Variants in ZNF638 observed in about 807,000 individuals in gnomAD.
ZNF638 encodes the protein CTCL tumor antigen se33-1.
ZNF638 carries 46 observed loss-of-function variants against 195.6 expected under a neutral mutation model. That is an observed-to-expected ratio of 0.24 (90% CI 0.19 to 0.30). The LOEUF is 0.30. Among genes scored for constraint, ZNF638 ranks in the 10% least tolerant of loss-of-function variants. The pLI, the probability that ZNF638 is intolerant of heterozygous loss-of-function variation, is 1.00. For missense variants in ZNF638, 2,440 were observed against 2,325.3 expected, an observed-to-expected ratio of 1.05 and a Z score of -1.01; for synonymous variants, 845 against 772.0, an observed-to-expected ratio of 1.09 and a Z score of -1.57.
chr2:71,336,161 C>A (rs185570899), intron 1 of ZNF638, among the ~76,000 whole-genome samples: 1 of 152,036 alleles, frequency 6.6e-6, no homozygotes, highest in Admixed American at 6.5e-5. Flanking sequence ...CATCTGAGGT[C>A]GGGAGCTTAA....
At chr2:71,351,490 G>T (rs754669068) in intron 2 of ZNF638, among the ~76,000 whole-genome samples, 1 of 152,176 alleles carries the variant, frequency 6.6e-6, no homozygotes, top group Non-Finnish European at 1.5e-5. Context: ...TCTGTAAGTA[G>T]CCCTGGCCTA....
chr2:71,333,073 A>G (rs2078601778), intron 1 of ZNF638: 1 of 152,246 alleles, frequency 6.6e-6, no homozygotes, highest in African/African-American at 2.4e-5. Flanking sequence ...ATTGACCAAA[A>G]AAAGGTGAAT....
At chr2:71,382,525 G>A (rs548880704) in intron 10 of ZNF638, among the ~76,000 whole-genome samples, 1 of 152,248 alleles carries the variant, frequency 6.6e-6, no homozygotes, top group East Asian at 1.9e-4. Context: ...CAGGGAGGAA[G>A]CAAGAGTGTA....
At chr2:71,407,980 C>A in intron 19 of ZNF638, 142 bp from the exon 20 acceptor site, 1 of 684,104 alleles carries the variant, frequency 1.5e-6, no homozygotes, top group Non-Finnish European at 2.3e-6. Flanking sequence ...CTTCTGTGAA[C>A]ATGGGTGTAC....
rs746908881 is a variant in ZNF638 at position 71,350,005 on chromosome 2, A to T, written c.1051A>T (p.Ile351Phe). ...LISSVSQQER[I>F]PHEPVINSSN... ...TTCATCTGTAAGCCAGCAAGAGCGG[A>T]TCCCACATGAACCTGTGATTAATTC... The change falls in exon 2 of 28, where the codon ATC (isoleucine) becomes TTC (phenylalanine). Residue 351 changes from isoleucine to phenylalanine, a missense_variant. By Grantham distance (21) the Ile-to-Phe change is conservative. This residue lies in a region of ZNF638 where 305 missense variants were observed against 283.6 expected (regional missense o/e 1.08). Coordinates refer to ENST00000264447, the MANE Select transcript of ZNF638 (RefSeq NM_014497.5). The T allele has an allele frequency of 1.3e-5, 21 of 1,614,224 alleles. No homozygotes were observed. Among genetic ancestry groups the T allele is most frequent in the Non-Finnish European group, 1.8e-5 (21 of 1,180,046 alleles).
intron 26 of ZNF638, among the ~76,000 whole-genome samples, chr2:71,431,992 G>A (rs1215353166): frequency 6.6e-6 from 1 of 152,124 alleles, no homozygotes; most frequent in African/African-American, 2.4e-5. Context: ...TGCCACTCTG[G>A]TGAGAATTGA....
chr2:71,347,888 T>G (rs1437201012), intron 1 of ZNF638, among the ~76,000 whole-genome samples: 1 of 152,230 alleles, frequency 6.6e-6, no homozygotes, highest in African/African-American at 2.4e-5. Context: ...CAGTCACTTT[T>G]CTTTGTAAGT....
At chr2:71,409,964 A>G (rs1206911361) in intron 20 of ZNF638, among the ~76,000 whole-genome samples, 3 of 152,124 alleles carry the variant, frequency 2.0e-5, no homozygotes, top group African/African-American at 7.2e-5. Context: ...ATTTTCTGAA[A>G]TTCTGCATGT....
rs1288923117 is a variant in ZNF638 at position 71,364,205 on chromosome 2, G to A, written c.1670G>A (p.Arg557Gln). The A allele has an allele frequency of 1.9e-6, 3 of 1,614,174 alleles. No homozygotes were observed. Among genetic ancestry groups the A allele is most frequent in the Admixed American group, 1.7e-5 (1 of 60,024 alleles). Residue 557 changes from arginine to glutamine, a missense_variant, in exon 5 of 28, where the codon CGA becomes CAA. Arg to Gln is a conservative substitution (Grantham distance 43). Around this residue, in one of 5 missense-constraint regions of ZNF638, gnomAD observed 1,883 missense variants for 1,739.1 expected, o/e 1.08. Coordinates refer to ENST00000264447, the MANE Select transcript of ZNF638 (RefSeq NM_014497.5). ...NPFRGSPKCF[R>Q]SVSPERMSRR... is the part of the protein sequence containing the mutation. ...TTTAGAGGTAGTCCAAAATGCTTTC[G>A]ATCAGTTAGCCCTGAGAGGATGTCA...
intron 10 of ZNF638, 135 bp downstream of exon 10, chr2:71,380,700 GTA>G (rs1020504336): frequency 1.7e-6 from 1 of 579,842 alleles, no homozygotes; most frequent in African/African-American, 1.9e-5. Flanking sequence ...ATTGGCCCCT[GTA>G]TTAAGCAGGC....
In ZNF638 at chr2:71,404,005, C is replaced by T; in HGVS notation, c.2958+7C>T. The T allele has an allele frequency of 6.2e-7, 1 of 1,600,196 alleles. No homozygotes were observed. The highest frequency in any genetic ancestry group is 8.5e-7 in the Non-Finnish European group (1 of 1,175,254). On this transcript the variant is annotated splice_region_variant and intron_variant, in intron 17 of 27. Transcript: ENST00000264447. ...CATGAATATAAAAGATGAGGTAAAT[C>T]AGACCACCATTTTTACTAGCTCTTA...
chr2:71,363,469 ATAT>A (rs2079142836), intron 4 of ZNF638, among the ~76,000 whole-genome samples: 1 of 152,096 alleles, frequency 6.6e-6, no homozygotes, highest in East Asian at 1.9e-4. Context: ...GCTAGGAGTG[ATAT>A]TATTAAGTTC....
chr2:71,386,937 T>C (rs1458015558), intron 10 of ZNF638, among the ~76,000 whole-genome samples: 1 of 152,022 alleles, frequency 6.6e-6, no homozygotes, highest in Non-Finnish European at 1.5e-5. Flanking sequence ...AGTCTCCACC[T>C]CCCAGGTTCA....
intron 10 of ZNF638, among the ~76,000 whole-genome samples, chr2:71,391,708 C>T (rs1266472966): frequency 6.6e-6 from 1 of 152,144 alleles, no homozygotes; most frequent in Non-Finnish European, 1.5e-5. Flanking sequence ...TCAAAAATTA[C>T]TGGGTGATAT....
At position 71,424,428 on chromosome 2, in the gene ZNF638, C is replaced by T. The variant is rs985166524; in HGVS notation, c.4525-222C>T. 4.4e-4 allele frequency among the ~76,000 whole-genome samples: 67 copies of T among 151,946 alleles called. 3 individuals are homozygous for T. The highest frequency in any genetic ancestry group is 7.2e-4 in the Admixed American group (11 of 15,256). On this transcript the variant is annotated intron_variant, in intron 22 of 27. Coordinates refer to ENST00000264447, the MANE Select transcript of ZNF638 (RefSeq NM_014497.5). ...GATTGCCTAACTAGACATTGTGGGACGAAAAGATCAGTAAAACTGAATTTA... is the reference window on the plus strand; with the variant it reads ...GATTGCCTAACTAGACATTGTGGGATGAAAAGATCAGTAAAACTGAATTTA...
At chr2:71,414,059 G>T (rs2080269162) in intron 20 of ZNF638, among the ~76,000 whole-genome samples, 1 of 142,562 alleles carries the variant, frequency 7.0e-6, no homozygotes, top group Non-Finnish European at 1.5e-5. Context: ...AATGGTACCA[G>T]TTCCTCCTTG....
At chr2:71,398,277 A>G (rs1422610109) in intron 11 of ZNF638, among the ~76,000 whole-genome samples, 1 of 152,142 alleles carries the variant, frequency 6.6e-6, no homozygotes, top group Admixed American at 6.5e-5. Flanking sequence ...AAATTCATTT[A>G]TGTTTCATAT....
At position 71,339,505 on chromosome 2, in the gene ZNF638, A is replaced by G. The variant is rs1426806940; in HGVS notation, c.-203+7630A>G. On this transcript the variant is annotated intron_variant, in intron 1 of 27. Transcript: ENST00000264447. ...GAACCCACTTTAGGTAAATGGAAAC[A>G]TTTTTTGGCCATGTTACTCCATGAA... is the stretch of plus-strand genomic sequence containing the variant. 2.6e-5 allele frequency among the ~76,000 whole-genome samples: 4 copies of G among 152,176 alleles called. No individual in the cohort carries two copies. The East Asian group carries it at 7.7e-4, about 29-fold the overall frequency.
chr2:71,333,846 C>G (rs529169507), intron 1 of ZNF638, among the ~76,000 whole-genome samples: 1 of 152,248 alleles, frequency 6.6e-6, no homozygotes, highest in East Asian at 1.9e-4. Context: ...ATGGAAAGCT[C>G]GTATTCCTTG....
Sources: gnomAD v4.1 joint callset for allele counts (sites outside exome capture counted in the v4.1 genomes callset) on GRCh38, gnomAD v4.1.1 for gene constraint, gnomAD v4.1.1 regional missense constraint, MANE v1.5 for transcripts, NCBI Gene and HGNC (gene_info 2026-07-23, HGNC 2026-07-21) for gene names.